GTF2F2: variants seen among roughly 807,000 people sequenced by gnomAD.
GTF2F2 encodes ATP-dependent helicase GTF2F2.
In GTF2F2, 23 loss-of-function variants were observed where a neutral mutation model predicts 42.2. That is an observed-to-expected ratio of 0.55 (90% CI 0.39 to 0.77). The LOEUF (loss-of-function observed/expected upper bound fraction) is 0.77, where lower values mean the gene tolerates loss of function less well. Ranked by LOEUF, GTF2F2 falls within the 30% of genes least tolerant of loss-of-function variation. The pLI is 0.00. For missense variants in GTF2F2, 261 were observed against 287.2 expected, an observed-to-expected ratio of 0.91 and a Z score of 0.66; for synonymous variants, 105 against 100.8, an observed-to-expected ratio of 1.04 and a Z score of -0.25.
intron 4 of GTF2F2, among the ~76,000 whole-genome samples, chr13:45,197,419 G>A (rs1325733723): frequency 1.3e-5 from 2 of 150,152 alleles, no homozygotes; most frequent in Non-Finnish European, 1.5e-5. Flanking sequence ...TGAGGCAGGA[G>A]AATCGCCTGA....
intron 4 of GTF2F2, among the ~76,000 whole-genome samples, chr13:45,153,261 G>C (rs988116118): frequency 3.3e-5 from 5 of 151,386 alleles, no homozygotes; most frequent in Non-Finnish European, 7.4e-5. Flanking sequence ...CTCGTGATCC[G>C]CCCGCCTCGG....
At chr13:45,283,233 T>G (rs1030993412) in intron 7 of GTF2F2, among the ~76,000 whole-genome samples, 1 of 152,176 alleles carries the variant, frequency 6.6e-6, no homozygotes, top group Admixed American at 6.5e-5. Flanking sequence ...ACTCCTTTAA[T>G]GCACATGATC....
At chr13:45,236,019 G>A (rs1874960311) in intron 5 of GTF2F2, among the ~76,000 whole-genome samples, 1 of 152,172 alleles carries the variant, frequency 6.6e-6, no homozygotes, top group Admixed American at 6.5e-5. Flanking sequence ...TCTTATTGTA[G>A]TAGTCTTGTG....
intron 4 of GTF2F2, among the ~76,000 whole-genome samples, chr13:45,195,285 AAAGT>A (rs1406381033): frequency 6.6e-6 from 1 of 151,946 alleles, no homozygotes; most frequent in Non-Finnish European, 1.5e-5. Flanking sequence ...ATTTACCCTA[AAAGT>A]AAAAAAAAAA....
At chr13:45,242,192 A>G (rs1477437722) in intron 5 of GTF2F2, among the ~76,000 whole-genome samples, 3 of 147,524 alleles carry the variant, frequency 2.0e-5, no homozygotes, top group Non-Finnish European at 3.0e-5. Flanking sequence ...TCACCCTATT[A>G]CTTCACCTGG....
At chr13:45,160,844 T>A (rs560667006) in intron 4 of GTF2F2, among the ~76,000 whole-genome samples, 17 of 152,156 alleles carry the variant, frequency 1.1e-4, no homozygotes, top group African/African-American at 3.6e-4. Context: ...ATCTGAATAA[T>A]TATGCTTTGT....
chr13:45,247,853 A>T (rs1042050222), intron 5 of GTF2F2, among the ~76,000 whole-genome samples: 1 of 151,342 alleles, frequency 6.6e-6, no homozygotes, highest in Admixed American at 6.6e-5. Context: ...TTGTCTGTTC[A>T]TTTGTTTTTG....
At chr13:45,125,858 A>G (rs1048323824) in intron 1 of GTF2F2, among the ~76,000 whole-genome samples, 4 of 152,140 alleles carry the variant, frequency 2.6e-5, no homozygotes, top group Non-Finnish European at 5.9e-5. Context: ...TTTAAGCAAG[A>G]TTGGGTAGAG....
At chr13:45,254,143 G>C (rs1358547281) in intron 6 of GTF2F2, among the ~76,000 whole-genome samples, 1 of 151,414 alleles carries the variant, frequency 6.6e-6, no homozygotes, top group Non-Finnish European at 1.5e-5. Flanking sequence ...GAGAGAGAGA[G>C]AGACCACATT....
At chr13:45,202,274 C>T (rs1873226933) in intron 4 of GTF2F2, among the ~76,000 whole-genome samples, 1 of 152,180 alleles carries the variant, frequency 6.6e-6, no homozygotes. Flanking sequence ...GTAATCCCAG[C>T]TACCCAGGAG....
At chr13:45,158,748 T>C (rs1218773382) in intron 4 of GTF2F2, among the ~76,000 whole-genome samples, 1 of 152,224 alleles carries the variant, frequency 6.6e-6, no homozygotes, top group Non-Finnish European at 1.5e-5. Context: ...CATGGTTATC[T>C]CCACGGTGCC....
chr13:45,212,448 T>C (rs527358662), intron 5 of GTF2F2, among the ~76,000 whole-genome samples: 3 of 4,450 alleles, frequency 6.7e-4, no homozygotes, highest in African/African-American at 2.7e-3. Flanking sequence ...TTCTTTCTTG[T>C]TTCTTTCTTT....
chr13:45,142,919 A>G (rs1263087962), intron 2 of GTF2F2, among the ~76,000 whole-genome samples: 2 of 152,206 alleles, frequency 1.3e-5, no homozygotes. Flanking sequence ...CCGATAAACA[A>G]AAGGCTCCAT....
At position 45,136,802 on chromosome 13, in the gene GTF2F2, G is replaced by A. The variant is rs1206518760; in HGVS notation, c.136G>A (p.Ala46Thr). Reference protein sequence around the residue: ...GRGEVGKLRIAKTQGRTEVSF... With the variant: ...GRGEVGKLRITKTQGRTEVSF... ...AGGTGAAGTTGGGAAACTGCGGATTGCCAAGTAAGTTATTTACATATTCTT... is the reference window on the plus strand; with the variant it reads ...AGGTGAAGTTGGGAAACTGCGGATTACCAAGTAAGTTATTTACATATTCTT... The change falls in exon 2 of 8, where the codon GCC becomes ACC. Residue 46 changes from alanine to threonine, a missense_variant. Ala to Thr is a moderately conservative substitution (Grantham distance 58, BLOSUM62 0). Transcript: ENST00000340473. 2.6e-6 allele frequency: 4 copies of A among 1,550,090 alleles called. No individual in the cohort carries two copies. The South Asian group carries it at 3.4e-5, about 13-fold the overall frequency.
At chr13:45,144,094 A>G (rs893412539) in intron 2 of GTF2F2, among the ~76,000 whole-genome samples, 3 of 152,036 alleles carry the variant, frequency 2.0e-5, no homozygotes, top group African/African-American at 7.2e-5. Context: ...TCTACTAAAA[A>G]TACAAAAATT....
At chr13:45,229,806 C>A (rs1265250086) in intron 5 of GTF2F2, among the ~76,000 whole-genome samples, 1 of 152,148 alleles carries the variant, frequency 6.6e-6, no homozygotes, top group East Asian at 1.9e-4. Context: ...TCACACCCTC[C>A]TCTTTTCTCC....
chr13:45,148,916 C>T lies in GTF2F2; in HGVS notation c.141-854C>T, dbSNP rs75017745. Among the ~76,000 whole-genome samples, 981 of 151,870 alleles carry T rather than the reference C, an allele frequency of 6.5e-3. 12 individuals are homozygous for T. The highest frequency in any genetic ancestry group is 0.023 in the African/African-American group (934 of 41,430). On this transcript the variant is annotated intron_variant, in intron 2 of 7. Transcript: ENST00000340473. ...GCTATTTTAAAACTTATTTTTTGCT[C>T]GTCTGTATTAAAAATATTTATATGT...
intron 5 of GTF2F2, among the ~76,000 whole-genome samples, chr13:45,228,889 C>G (rs913815159): frequency 6.6e-6 from 1 of 152,018 alleles, no homozygotes; most frequent in Non-Finnish European, 1.5e-5. Flanking sequence ...AGGTTGGTCT[C>G]GAACTTCCAG....
intron 4 of GTF2F2, among the ~76,000 whole-genome samples, chr13:45,181,072 C>T (rs1242971829): frequency 6.6e-6 from 1 of 151,478 alleles, no homozygotes; most frequent in African/African-American, 2.4e-5. Flanking sequence ...GAGGCTGAGG[C>T]AGGAAAATTG....
Sources: gnomAD v4.1 joint callset for allele counts (sites outside exome capture counted in the v4.1 genomes callset) on GRCh38, gnomAD v4.1.1 for gene constraint, MANE v1.5 for transcripts, NCBI Gene and HGNC (gene_info 2026-07-23, HGNC 2026-07-21) for gene names.